DPPA4: variants seen among roughly 807,000 people sequenced by gnomAD.
DPPA4 encodes developmental pluripotency-associated protein 4.
In DPPA4, 22 loss-of-function variants were observed where a neutral mutation model predicts 33.7. That is an observed-to-expected ratio of 0.65 (90% CI 0.47 to 0.93). DPPA4 has a LOEUF of 0.93. Ranked by LOEUF, DPPA4 falls within the 40% of genes least tolerant of loss-of-function variation. The pLI, the probability that DPPA4 is intolerant of heterozygous loss-of-function variation, is 0.00. For synonymous variants in DPPA4, 156 were observed against 132.3 expected, an observed-to-expected ratio of 1.18 and a Z score of -1.23; for missense variants, 340 against 358.6, an observed-to-expected ratio of 0.95 and a Z score of 0.42.
At chr3:109,336,867 C>A (rs1368907797) in intron 1 of DPPA4, among the ~76,000 whole-genome samples, 1 of 152,098 alleles carries the variant, frequency 6.6e-6, no homozygotes, top group African/African-American at 2.4e-5. Context: ...AAAGTGAAAC[C>A]CTGTTCCAAA....
chr3:109,331,529 G>A, intron 4 of DPPA4, among the ~76,000 whole-genome samples: 1 of 100,612 alleles, frequency 9.9e-6, no homozygotes, highest in Non-Finnish European at 1.8e-5. Flanking sequence ...GGGTGACAGT[G>A]CAAGACTCTG....
chr3:109,333,040 C>G (rs955163075), intron 2 of DPPA4, among the ~76,000 whole-genome samples: 1 of 151,368 alleles, frequency 6.6e-6, no homozygotes, highest in Non-Finnish European at 1.5e-5. Flanking sequence ...GGGCCGGGAT[C>G]GTGCCATAAA....
intron 5 of DPPA4, chr3:109,330,300 C>CAAAAAAAAAAAAAAAAAAAAAAAAAA (rs71129042): frequency 8.6e-6 from 3 of 348,986 alleles, no homozygotes; most frequent in African/African-American, 6.9e-5. Context: ...GAAACTGTCT[C>CAAAAAAAAAAAAAAAAAAAAAAAAAA]AAAAAAAAAA....
At chr3:109,337,872 T>C (rs1354138557), upstream of DPPA4, among the ~76,000 whole-genome samples, 1 of 151,924 alleles carries the variant, frequency 6.6e-6, no homozygotes, top group Non-Finnish European at 1.5e-5. Context: ...TTGAGCAGGA[T>C]GTGTGAAGGG....
chr3:109,330,068 A>G (rs1576834572), intron 5 of DPPA4: 1 of 194,586 alleles, frequency 5.1e-6, no homozygotes, highest in Non-Finnish European at 1.1e-5. Context: ...TTGGGAGGCC[A>G]AGGTGGGAGG....
chr3:109,332,610 T>C (rs1471977045), intron 2 of DPPA4, among the ~76,000 whole-genome samples: 3 of 152,098 alleles, frequency 2.0e-5, no homozygotes, highest in Non-Finnish European at 4.4e-5. Flanking sequence ...TCATACTCAG[T>C]GGTGTCCTCT....
At chr3:109,334,496 C>A (rs1437744556) in intron 1 of DPPA4, among the ~76,000 whole-genome samples, 2 of 151,840 alleles carry the variant, frequency 1.3e-5, no homozygotes, top group Non-Finnish European at 2.9e-5. Context: ...GGCTGCACCA[C>A]TGCACTCCAG....
intron 2 of DPPA4, among the ~76,000 whole-genome samples, chr3:109,332,928 C>T (rs1424494425): frequency 6.6e-6 from 1 of 152,146 alleles, no homozygotes; most frequent in Admixed American, 6.6e-5. Context: ...GCCGTCTCTA[C>T]TTAAAAAATT....
chr3:109,328,040 A>T lies in DPPA4; in HGVS notation c.879-16T>A. The T allele has an allele frequency of 6.9e-7, 1 of 1,443,064 alleles. No individual in the cohort carries two copies. Among genetic ancestry groups the T allele is most frequent in the Non-Finnish European group, 9.7e-7 (1 of 1,029,440 alleles). The allele number at this position is 1,443,064 out of a possible 1,614,324, so 89.4% of individuals were successfully genotyped here. On this transcript the variant is annotated splice_polypyrimidine_tract_variant and intron_variant, in intron 6 of 6. Coordinates refer to ENST00000335658, the MANE Select transcript of DPPA4 (RefSeq NM_018189.4). ...GACCTTGTTCCTATAAAGCAAATAA[A>T]GTATTTGTTTTTAAAAAGAATGAAG...
rs562288721 is a variant in DPPA4, at chr3:109,331,380, T to C, written c.390+354A>G. Among the ~76,000 whole-genome samples, 24 of 149,346 alleles carry C rather than the reference T, an allele frequency of 1.6e-4. No homozygotes were observed. The East Asian group carries it at 4.5e-3, about 28-fold the overall frequency. On this transcript the variant is annotated intron_variant, in intron 4 of 6. Coordinates refer to ENST00000335658, the MANE Select transcript of DPPA4 (RefSeq NM_018189.4). ...GGTTCACGCCTGTAATCCCAGCACT[T>C]TGGGAGGCCGAAGTGGGTGGATCAC...
chr3:109,328,030 A>C lies in DPPA4; in HGVS notation c.879-6T>G. 2.7e-6 allele frequency: 4 copies of C among 1,479,308 alleles called. No homozygotes were observed. The highest frequency in any genetic ancestry group is 3.8e-6 in the Non-Finnish European group (4 of 1,060,968). The allele number at this position is 1,479,308 out of a possible 1,614,324, so 91.6% of individuals were successfully genotyped here. A position where few individuals can be genotyped will look rare whatever the true frequency, so the allele number is the denominator to read the frequency against. ...TTTTTATTAAGACCTTGTTCCTATA[A>C]AGCAAATAAAGTATTTGTTTTTAAA... On this transcript the variant is annotated splice_polypyrimidine_tract_variant and splice_region_variant and intron_variant, in intron 6 of 6. Coordinates refer to ENST00000335658, the MANE Select transcript of DPPA4 (RefSeq NM_018189.4).
upstream of DPPA4, among the ~76,000 whole-genome samples, chr3:109,338,662 C>T (rs961464015): frequency 2.6e-5 from 4 of 151,980 alleles, no homozygotes; most frequent in Non-Finnish European, 5.9e-5. Context: ...AGTAAGTAAA[C>T]GGAGCCCAGG....
chr3:109,327,877 C>A lies in DPPA4; in HGVS notation c.*111G>T. 1 of 799,868 alleles carries A rather than the reference C, an allele frequency of 1.3e-6. No homozygotes were observed. Among genetic ancestry groups the A allele is most frequent in the Non-Finnish European group, 2.2e-6 (1 of 463,018 alleles). The allele number at this position is 799,868 out of a possible 1,614,324, so 49.5% of individuals were successfully genotyped here. ...TCTGCCACCCCACCAGTCTGCATGGCCCATAAACAGGTGCAGAGGACCAGA... is the reference window on the plus strand; with the variant it reads ...TCTGCCACCCCACCAGTCTGCATGGACCATAAACAGGTGCAGAGGACCAGA... On this transcript the variant is annotated 3_prime_UTR_variant, in exon 7 of 7. Coordinates refer to ENST00000335658, the MANE Select transcript of DPPA4 (RefSeq NM_018189.4).
At chr3:109,337,606 C>A, upstream of DPPA4, 2 of 1,137,148 alleles carry the variant, frequency 1.8e-6, no homozygotes, top group Non-Finnish European at 2.7e-6. Context: ...CTCTCCACCT[C>A]ACCTCTTCTT....
upstream of DPPA4, among the ~76,000 whole-genome samples, chr3:109,337,788 T>C (rs1424058463): frequency 2.0e-5 from 3 of 152,084 alleles, no homozygotes; most frequent in Non-Finnish European, 4.4e-5. Flanking sequence ...ATTGGGAGAT[T>C]GAGCACTCCT....
chr3:109,337,694 T>G (rs1221143808), upstream of DPPA4: 1 of 622,740 alleles, frequency 1.6e-6, no homozygotes, highest in Non-Finnish European at 2.9e-6. Context: ...GGGGTGACTT[T>G]TGTCTGGGTT....
chr3:109,334,599 TCC>T (rs1246061831), intron 1 of DPPA4, among the ~76,000 whole-genome samples: 1 of 152,086 alleles, frequency 6.6e-6, no homozygotes, highest in Admixed American at 6.6e-5. Flanking sequence ...CAGAATTTTT[TCC>T]CCCAGTCCTT....
chr3:109,335,151 TA>T (rs1469703020), intron 1 of DPPA4, among the ~76,000 whole-genome samples: 1 of 152,188 alleles, frequency 6.6e-6, no homozygotes, highest in Non-Finnish European at 1.5e-5. Context: ...TTCATTTTTT[TA>T]AAAAATATTT....
intron 5 of DPPA4, chr3:109,329,346 T>C: frequency 5.4e-6 from 2 of 368,902 alleles, no homozygotes; most frequent in South Asian, 3.8e-5. Context: ...CCATCCTGGC[T>C]AACACAGTGA....
Sources: allele counts gnomAD v4.1 joint callset (sites outside exome capture counted in the v4.1 genomes callset), GRCh38; gene constraint gnomAD v4.1.1; transcripts MANE v1.5; gene names NCBI Gene and HGNC (gene_info 2026-07-23, HGNC 2026-07-21).